Variants in FBXL2 observed in about 807,000 individuals in gnomAD.
FBXL2 encodes the protein F-box/LRR-repeat protein 2.
Under a neutral mutation model 69.2 loss-of-function variants are expected in FBXL2, and 38 were observed. The ratio of observed to expected loss-of-function variants is 0.55; its 90% CI spans 0.42 to 0.72. FBXL2 has a LOEUF of 0.72. Ranked by LOEUF, FBXL2 falls within the 30% of genes least tolerant of loss-of-function variation. FBXL2 has a pLI of 0.00. For missense variants in FBXL2, 354 were observed against 520.3 expected (o/e 0.68, Z 3.11); for synonymous variants, 192 against 201.3 (o/e 0.95, Z 0.39).
At chr3:33,393,213 T>C in intron 12 of FBXL2, 1 of 1,220,922 alleles carries the variant, frequency 8.2e-7, no homozygotes, top group Non-Finnish European at 1.1e-6. Flanking sequence ...TTCTCATAAG[T>C]ATTTTCAAAA....
chr3:33,313,715 G>A lies in FBXL2; in HGVS notation c.65+15990G>A, dbSNP rs116755391. ...CTCCTGCCTTACCTCCTGAACTACT[G>A]GGGTTATAGACATGAACCACTGCAT... On this transcript the variant is annotated intron_variant, in intron 2 of 14. Coordinates refer to ENST00000484457, the MANE Select transcript of FBXL2 (RefSeq NM_012157.5). Among the ~76,000 whole-genome samples the A allele has an allele frequency of 5.4e-3, 818 of 151,618 alleles. 6 individuals are homozygous for A. Among genetic ancestry groups the A allele is most frequent in the African/African-American group, 0.019 (765 of 41,302 alleles).
chr3:33,375,569 G>C (rs879078911), intron 10 of FBXL2, 151 bp downstream of exon 10: 1 of 800,744 alleles, frequency 1.2e-6, no homozygotes, highest in Non-Finnish European at 2.0e-6. Flanking sequence ...TTGGGGTGGG[G>C]CGTGTATAAA....
chr3:33,358,276 G>C (rs867077638), intron 2 of FBXL2, among the ~76,000 whole-genome samples: 5 of 152,208 alleles, frequency 3.3e-5, no homozygotes, highest in Admixed American at 3.3e-4. Context: ...GCACACGGCT[G>C]TTTGCTCACA....
chr3:33,316,489 T>C (rs112986417), intron 2 of FBXL2, among the ~76,000 whole-genome samples: 2,182 of 152,288 alleles, frequency 0.014, 22 homozygotes, highest in South Asian at 0.037. Flanking sequence ...TCAGCCCCTT[T>C]TAGAAATTAG....
chr3:33,287,481 T>G (rs2034766323), intron 1 of FBXL2, among the ~76,000 whole-genome samples: 1 of 152,168 alleles, frequency 6.6e-6, no homozygotes, highest in Admixed American at 6.5e-5. Flanking sequence ...TTTTATTTAT[T>G]TATTTATTAA....
chr3:33,371,935 T>C (rs1048777487), intron 5 of FBXL2, among the ~76,000 whole-genome samples: 1 of 152,168 alleles, frequency 6.6e-6, no homozygotes, highest in African/African-American at 2.4e-5. Flanking sequence ...TTGTGGCATT[T>C]TTCACTCTTG....
the FBXL2 span, among the ~76,000 whole-genome samples, chr3:33,412,553 T>C: frequency 4.1e-5 from 6 of 146,698 alleles, no homozygotes; most frequent in Non-Finnish European, 8.9e-5. Context: ...ACTGCACTTA[T>C]CCTGGGCGAG....
At chr3:33,277,563 C>G in intron 1 of FBXL2, 48 bp downstream of exon 1, 4 of 1,257,522 alleles carry the variant, frequency 3.2e-6, no homozygotes, top group South Asian at 7.3e-5. Flanking sequence ...CTACCCCTAC[C>G]GGGCTGGGTC....
At chr3:33,306,627 A>T (rs933634464) in intron 2 of FBXL2, among the ~76,000 whole-genome samples, 7 of 152,140 alleles carry the variant, frequency 4.6e-5, no homozygotes, top group Non-Finnish European at 7.4e-5. Flanking sequence ...TTTGGCCTGT[A>T]GAAGTTCCCA....
intron 1 of FBXL2, among the ~76,000 whole-genome samples, chr3:33,285,399 C>T (rs1247732146): frequency 1.3e-5 from 2 of 152,166 alleles, no homozygotes; most frequent in African/African-American, 4.8e-5. Context: ...AGAGTTTCTG[C>T]CAAGAGATCC....
chr3:33,403,202 T>C (rs1267256441), intron 12 of FBXL2: 5 of 297,526 alleles, frequency 1.7e-5, no homozygotes, highest in Non-Finnish European at 3.2e-5. Flanking sequence ...AAGAGCTTTC[T>C]CCTCCCTCTT....
At chr3:33,408,900 C>T in the FBXL2 span, 2 of 1,077,632 alleles carry the variant, frequency 1.9e-6, no homozygotes, top group South Asian at 2.8e-5. Context: ...AAATGCATGA[C>T]TAACAGGATT....
chr3:33,404,397 GCGAGATTC>G (rs1378804539), downstream of FBXL2, among the ~76,000 whole-genome samples: 3 of 151,892 alleles, frequency 2.0e-5, no homozygotes, highest in Non-Finnish European at 2.9e-5. Context: ...GGGTGACAGA[GCGAGATTC>G]CATCTCAAAA....
chr3:33,394,027 A>ATT (rs143219786), intron 12 of FBXL2, among the ~76,000 whole-genome samples: 1 of 151,688 alleles, frequency 6.6e-6, no homozygotes, highest in Non-Finnish European at 1.5e-5. Flanking sequence ...CTTTTTGTTT[A>ATT]TTTTTTTAAG....
intron 2 of FBXL2, among the ~76,000 whole-genome samples, chr3:33,301,128 T>G (rs1021496589): frequency 3.3e-5 from 5 of 152,192 alleles, no homozygotes; most frequent in African/African-American, 9.7e-5. Flanking sequence ...CTCATGAAGC[T>G]TAAATCTTTA....
At chr3:33,289,518 A>C (rs1349748405) in intron 1 of FBXL2, 1 of 152,298 alleles carries the variant, frequency 6.6e-6, no homozygotes, top group Non-Finnish European at 1.5e-5. Flanking sequence ...GAAAGTAATG[A>C]GTGAGCCTTC....
chr3:33,300,142 C>T (rs1473318340), intron 2 of FBXL2, among the ~76,000 whole-genome samples: 1 of 152,158 alleles, frequency 6.6e-6, no homozygotes, highest in African/African-American at 2.4e-5. Flanking sequence ...TGTGATTAAA[C>T]TCCACCCTTC....
At chr3:33,418,107 A>C in the FBXL2 span, among the ~76,000 whole-genome samples, 2 of 152,254 alleles carry the variant, frequency 1.3e-5, no homozygotes, top group Non-Finnish European at 2.9e-5. Flanking sequence ...TTCTGAAAAC[A>C]GAAATAATTT....
rs2041682749 is a variant in FBXL2, at chr3:33,362,349, TC to T, written c.196-2274del. Among the ~76,000 whole-genome samples, 2 of 152,224 alleles carry T rather than the reference TC, an allele frequency of 1.3e-5. 1 individual carries two copies. Among genetic ancestry groups the T allele is most frequent in the Admixed American group, 1.3e-4 (2 of 15,282 alleles). On this transcript the variant is annotated intron_variant, in intron 4 of 14. Coordinates refer to ENST00000484457, the MANE Select transcript of FBXL2 (RefSeq NM_012157.5). Reference sequence around the variant, plus strand: ...AGTGTGTGAATCTAAAAGTGATAACTCCAGGGGTCTTTAGCCCATTTTAGGG... The same window carrying T: ...AGTGTGTGAATCTAAAAGTGATAACTCAGGGGTCTTTAGCCCATTTTAGGG...
Sources: gnomAD v4.1 joint callset for allele counts (sites outside exome capture counted in the v4.1 genomes callset) on GRCh38, gnomAD v4.1.1 for gene constraint, MANE v1.5 for transcripts, NCBI Gene and HGNC (gene_info 2026-07-23, HGNC 2026-07-21) for gene names.